UBE2Q2: variants seen among roughly 807,000 people sequenced by gnomAD.
UBE2Q2 encodes the protein ubiquitin conjugating enzyme E2 Q2, also known as ubiquitin-conjugating enzyme E2 Q2.
A neutral mutation model predicts 59.9 loss-of-function variants in UBE2Q2; 54 were observed. The ratio of observed to expected loss-of-function variants is 0.90; its 90% CI spans 0.72 to 1.13. The LOEUF (loss-of-function observed/expected upper bound fraction) is 1.13, where lower values mean the gene tolerates loss of function less well. Ranked by LOEUF, UBE2Q2 falls within the 50% of genes most tolerant of loss-of-function variation. The pLI is 0.00. For synonymous variants in UBE2Q2, 165 were observed against 155.2 expected (o/e 1.06, Z -0.47); for missense variants, 433 against 441.9 (o/e 0.98, Z 0.18).
chr15:75,855,201 C>G (rs952318826), intron 2 of UBE2Q2, among the ~76,000 whole-genome samples: 1 of 152,042 alleles, frequency 6.6e-6, no homozygotes, highest in Non-Finnish European at 1.5e-5. Flanking sequence ...TTTTAAAAAA[C>G]ATTTACTGGC....
chr15:75,876,065 CAAAA>C (rs33923600), intron 5 of UBE2Q2, 118 bp from the exon 6 acceptor site: 245 of 534,560 alleles, frequency 4.6e-4, no homozygotes, highest in African/African-American at 6.8e-4. Context: ...ACTCCATCTC[CAAAA>C]AAAAAAAAAA....
At chr15:75,885,999 G>T (rs1416412693) in intron 9 of UBE2Q2, among the ~76,000 whole-genome samples, 1 of 144,574 alleles carries the variant, frequency 6.9e-6, no homozygotes, top group Non-Finnish European at 1.5e-5. Context: ...CCTTTCTCTT[G>T]CTGACACCAC....
chr15:75,877,727 G>A (rs1011835004), intron 6 of UBE2Q2, among the ~76,000 whole-genome samples: 1 of 152,054 alleles, frequency 6.6e-6, no homozygotes, highest in Admixed American at 6.5e-5. Context: ...CAGACTAAAC[G>A]GTAAGCAGTT....
At chr15:75,874,563 T>G (rs531649379) in intron 5 of UBE2Q2, among the ~76,000 whole-genome samples, 1 of 152,272 alleles carries the variant, frequency 6.6e-6, no homozygotes, top group African/African-American at 2.4e-5. Context: ...GGATTACAGG[T>G]GTGAGCCACT....
intron 9 of UBE2Q2, among the ~76,000 whole-genome samples, chr15:75,886,028 C>G (rs1898745038): frequency 6.6e-6 from 1 of 152,126 alleles, no homozygotes; most frequent in Non-Finnish European, 1.5e-5. Flanking sequence ...TACTAGCCAC[C>G]AAGTCATAGT....
intron 12 of UBE2Q2, among the ~76,000 whole-genome samples, chr15:75,898,336 G>GAGAT (rs1264097357): frequency 7.2e-5 from 11 of 152,028 alleles, no homozygotes; most frequent in Non-Finnish European, 1.6e-4. Context: ...AGAAGCAGGG[G>GAGAT]AGATGACTTC....
intron 1 of UBE2Q2, among the ~76,000 whole-genome samples, chr15:75,850,378 T>C (rs1208277999): frequency 1.3e-5 from 2 of 152,192 alleles, no homozygotes; most frequent in East Asian, 3.8e-4. Flanking sequence ...GCTTTTTCAC[T>C]CAACAATATT....
Position 75,896,613 on chromosome 15 carries a change from AG to A in UBE2Q2, c.1030-381del, listed in dbSNP as rs537921357. On this transcript the variant is annotated intron_variant, in intron 11 of 12. Transcript: ENST00000267938. ...TTCTTATCTGAAAGTAATATTTTGT[AG>A]TTTTTTTAAAAATAGAAATTGTGTG... 6.6e-5 allele frequency among the ~76,000 whole-genome samples: 10 copies of A among 152,314 alleles called. No individual in the cohort carries two copies. In the East Asian group the frequency reaches 1.7e-3, roughly 26 times the overall value.
rs370925975 is a variant in UBE2Q2, at chr15:75,856,246, C to CGTGTGTGTGTGTGTGT, written c.282+1768_282+1783dup. Among the ~76,000 whole-genome samples, 466 of 135,572 alleles carry CGTGTGTGTGTGTGTGT rather than the reference C, an allele frequency of 3.4e-3. 5 individuals are homozygous for CGTGTGTGTGTGTGTGT. Among genetic ancestry groups the CGTGTGTGTGTGTGTGT allele is most frequent in the Non-Finnish European group, 5.3e-3 (341 of 64,540 alleles). The allele number at this position is 135,572 out of a possible 152,430, so 88.9% of individuals were successfully genotyped here. On this transcript the variant is annotated intron_variant, in intron 2 of 12. Coordinates refer to ENST00000267938, the MANE Select transcript of UBE2Q2 (RefSeq NM_173469.4). Reference sequence around the variant, plus strand: ...ACATGTATGTGTATATGTGTATATACGTGTGTGTGTGTGTGTGTGTGTGTA... The same window carrying CGTGTGTGTGTGTGTGT: ...ACATGTATGTGTATATGTGTATATACGTGTGTGTGTGTGTGTGTGTGTGTGTGTGTGTGTGTGTGTA...
intron 8 of UBE2Q2, 134 bp downstream of exon 8, chr15:75,879,322 C>T (rs1305561015): frequency 2.3e-5 from 12 of 517,536 alleles, no homozygotes; most frequent in East Asian, 1.6e-4. Flanking sequence ...ACATATTCTC[C>T]GTTAAGACGT....
chr15:75,879,262 A>G (rs969831759), intron 8 of UBE2Q2, 74 bp downstream of exon 8: 4 of 900,560 alleles, frequency 4.4e-6, no homozygotes, highest in Non-Finnish European at 6.8e-6. Context: ...TTGGAAAACA[A>G]TTTGGTAAAG....
intron 3 of UBE2Q2, among the ~76,000 whole-genome samples, chr15:75,860,983 C>T (rs930756222): frequency 2.0e-5 from 3 of 152,138 alleles, no homozygotes; most frequent in Non-Finnish European, 4.4e-5. Context: ...GGAGCCAGAC[C>T]GTGATAGGTT....
At chr15:75,867,545 GAA>G (rs1050569537) in intron 3 of UBE2Q2, among the ~76,000 whole-genome samples, 20 of 152,280 alleles carry the variant, frequency 1.3e-4, no homozygotes, top group African/African-American at 3.8e-4. Flanking sequence ...GTGGGGTTTT[GAA>G]AAGAGGACCA....
intron 3 of UBE2Q2, among the ~76,000 whole-genome samples, chr15:75,866,043 T>C (rs1359312667): frequency 1.3e-5 from 2 of 152,242 alleles, no homozygotes; most frequent in African/African-American, 4.8e-5. Flanking sequence ...TTTTATCTTC[T>C]GATATTTGTT....
intron 1 of UBE2Q2, among the ~76,000 whole-genome samples, chr15:75,849,709 A>T (rs1896538170): frequency 6.6e-6 from 1 of 152,230 alleles, no homozygotes. Context: ...TCATTCTCAC[A>T]GGCCTTAGAA....
chr15:75,884,716 G>A (rs1041866538), intron 9 of UBE2Q2, among the ~76,000 whole-genome samples: 7 of 152,032 alleles, frequency 4.6e-5, no homozygotes, highest in Non-Finnish European at 7.4e-5. Context: ...CTGGAGTGCA[G>A]TGGTGCTGTC....
At chr15:75,895,893 C>T (rs1002659179) in intron 11 of UBE2Q2, among the ~76,000 whole-genome samples, 1 of 152,078 alleles carries the variant, frequency 6.6e-6, no homozygotes, top group African/African-American at 2.4e-5. Flanking sequence ...TTTACCAGTA[C>T]TCAGCAGATA....
chr15:75,860,499 T>TA (rs1368561425), intron 3 of UBE2Q2, among the ~76,000 whole-genome samples: 3 of 152,144 alleles, frequency 2.0e-5, no homozygotes, highest in African/African-American at 7.2e-5. Context: ...ACCACCCACT[T>TA]ACCACTCACC....
intron 11 of UBE2Q2, among the ~76,000 whole-genome samples, chr15:75,893,484 C>T (rs1899217726): frequency 6.6e-6 from 1 of 152,158 alleles, no homozygotes; most frequent in South Asian, 2.1e-4. Flanking sequence ...GTTGACAAGT[C>T]CACCATCACA....
Sources: allele counts gnomAD v4.1 joint callset (sites outside exome capture counted in the v4.1 genomes callset), GRCh38; gene constraint gnomAD v4.1.1; transcripts MANE v1.5; gene names NCBI Gene and HGNC (gene_info 2026-07-23, HGNC 2026-07-21).